The following MALRD1 variants were observed in gnomAD, a reference collection of about 807,000 sequenced individuals.
MALRD1 encodes MAM and LDL-receptor class A domain-containing protein 1.
A neutral mutation model predicts 242.1 loss-of-function variants in MALRD1; 247 were observed. The ratio of observed to expected loss-of-function variants is 1.02; its 90% CI spans 0.92 to 1.13. The LOEUF is 1.13. Ranked by LOEUF, MALRD1 falls within the 50% of genes most tolerant of loss-of-function variation. The pLI is 0.00. For synonymous variants in MALRD1, 995 were observed against 866.6 expected, an observed-to-expected ratio of 1.15 and a Z score of -2.60; for missense variants, 2,989 against 2,533.1, an observed-to-expected ratio of 1.18 and a Z score of -3.86.
chr10:19,662,910 A>G (rs1841510635), intron 36 of MALRD1, among the ~76,000 whole-genome samples: 1 of 152,136 alleles, frequency 6.6e-6, no homozygotes, highest in African/African-American at 2.4e-5. Flanking sequence ...AGAAGAGTCC[A>G]TTTTTCATTA....
chr10:19,669,072 A>C (rs929037794), intron 36 of MALRD1, among the ~76,000 whole-genome samples: 1 of 152,220 alleles, frequency 6.6e-6, no homozygotes, highest in African/African-American at 2.4e-5. Context: ...TGTCCACATA[A>C]AAAGATTCAT....
intron 35 of MALRD1, among the ~76,000 whole-genome samples, chr10:19,611,453 G>C: frequency 6.6e-6 from 1 of 151,902 alleles, no homozygotes; most frequent in African/African-American, 2.4e-5. Flanking sequence ...TATCAGAATG[G>C]GATTCAATGT....
intron 21 of MALRD1, among the ~76,000 whole-genome samples, chr10:19,306,223 C>CTATACTATATATACTATACTATAGTATAG (rs1842186966): frequency 1.0e-5 from 1 of 100,334 alleles, no homozygotes; most frequent in South Asian, 3.1e-4. Flanking sequence ...CACACACATA[C>CTATACTATATATACTATACTATAGTATAG]TATATATACT....
chr10:19,475,385 AG>A (rs1313725898), intron 29 of MALRD1, among the ~76,000 whole-genome samples: 2 of 152,212 alleles, frequency 1.3e-5, no homozygotes, highest in Non-Finnish European at 2.9e-5. Flanking sequence ...ACTGCATTCC[AG>A]CCTGGGCGAC....
At chr10:19,167,492 GATAA>G (rs1205583506) in intron 13 of MALRD1, among the ~76,000 whole-genome samples, 2 of 152,198 alleles carry the variant, frequency 1.3e-5, no homozygotes, top group Admixed American at 6.5e-5. Flanking sequence ...AACAAATTGA[GATAA>G]ATATAGAGGT....
intron 18 of MALRD1, among the ~76,000 whole-genome samples, chr10:19,237,043 T>A (rs1838351351): frequency 6.6e-6 from 1 of 152,060 alleles, no homozygotes; most frequent in Non-Finnish European, 1.5e-5. Flanking sequence ...TAGGATACAA[T>A]TTGATGTTTC....
intron 28 of MALRD1, among the ~76,000 whole-genome samples, chr10:19,400,471 A>G (rs1258286901): frequency 6.6e-6 from 1 of 152,178 alleles, no homozygotes; most frequent in Non-Finnish European, 1.5e-5. Context: ...TTCATGACGC[A>G]GACCTCATCT....
At chr10:19,252,974 G>A (rs1334880918) in intron 18 of MALRD1, among the ~76,000 whole-genome samples, 2 of 151,954 alleles carry the variant, frequency 1.3e-5, no homozygotes, top group East Asian at 1.9e-4. Context: ...GGAATTCTAA[G>A]CTGATTTTCT....
In MALRD1 at chr10:19,155,100, G is replaced by A. The variant is rs1386279190; in HGVS notation, c.1584G>A (p.Gln528=). 1.6e-5 allele frequency: 20 copies of A among 1,231,448 alleles called. No individual in the cohort carries two copies. In the East Asian group the frequency reaches 6.0e-4, roughly 37 times the overall value. The allele number at this position is 1,231,448 out of a possible 1,614,324, so 76.3% of individuals were successfully genotyped here. A position where few individuals can be genotyped will look rare whatever the true frequency, so the allele number is the denominator to read the frequency against. Residue 528 remains glutamine (Q), a synonymous_variant, in exon 12 of 40, where the codon CAG becomes CAA. Coordinates refer to ENST00000454679, the MANE Select transcript of MALRD1 (RefSeq NM_001142308.3). ...GATCGTTTATTTATTTGGAGGCACAGCGCTCCCCCGGGGTGGCCAAGCTTG... is the reference window on the plus strand; with the variant it reads ...GATCGTTTATTTATTTGGAGGCACAACGCTCCCCCGGGGTGGCCAAGCTTG... ...NHGSFIYLEA[Q]RSPGVAKLGS... is the part of the protein sequence containing the mutation.
intron 21 of MALRD1, among the ~76,000 whole-genome samples, chr10:19,316,176 G>A (rs1214890140): frequency 6.6e-6 from 1 of 150,676 alleles, no homozygotes; most frequent in African/African-American, 2.4e-5. Flanking sequence ...TTGCTCTGCA[G>A]GTAAATATAC....
chr10:19,067,624 C>T (rs1468182274), intron 2 of MALRD1, among the ~76,000 whole-genome samples: 1 of 152,072 alleles, frequency 6.6e-6, no homozygotes, highest in Non-Finnish European at 1.5e-5. Flanking sequence ...GCAGTGTTTT[C>T]ATAAATATTA....
At chr10:19,554,965 G>A (rs982957600) in intron 32 of MALRD1, among the ~76,000 whole-genome samples, 6 of 152,034 alleles carry the variant, frequency 3.9e-5, no homozygotes, top group Non-Finnish European at 8.8e-5. Flanking sequence ...TTGAGGAATC[G>A]CCATACTGTC....
At chr10:19,491,015 T>G (rs1271661044) in intron 29 of MALRD1, 1 of 196,370 alleles carries the variant, frequency 5.1e-6, no homozygotes, top group Non-Finnish European at 1.1e-5. Context: ...TCAGCAGAAA[T>G]AGACAGTTGC....
chr10:19,423,759 T>A (rs773895974), intron 28 of MALRD1, among the ~76,000 whole-genome samples: 1 of 152,098 alleles, frequency 6.6e-6, no homozygotes. Flanking sequence ...CGTGTAAAAT[T>A]GGCAGATTCA....
rs117483060 is a variant in MALRD1, at chr10:19,110,515, G to A, written c.694+6440G>A. ...CCTAGAAGTAAATAATTAAAGTGTCGTCCTCAATGCTGTTTCACTATTAGA... is the reference window on the plus strand; with the variant it reads ...CCTAGAAGTAAATAATTAAAGTGTCATCCTCAATGCTGTTTCACTATTAGA... On this transcript the variant is annotated intron_variant, in intron 5 of 39. Coordinates refer to ENST00000454679, the MANE Select transcript of MALRD1 (RefSeq NM_001142308.3). 5.6e-3 allele frequency among the ~76,000 whole-genome samples: 854 copies of A among 152,228 alleles called. 6 individuals are homozygous for A. Among genetic ancestry groups the A allele is most frequent in the Middle Eastern group, 0.01 (3 of 294 alleles).
chr10:19,498,564 A>G lies in MALRD1; in HGVS notation c.5238A>G (p.Gln1746=). The G allele has an allele frequency of 2.6e-6, 4 of 1,550,468 alleles. No individual in the cohort carries two copies. The highest frequency in any genetic ancestry group is 1.7e-6 in the Non-Finnish European group (2 of 1,146,904). The change falls in exon 31 of 40, where the codon CAA becomes CAG. Residue 1746 remains glutamine, a synonymous_variant. Coordinates refer to ENST00000454679, the MANE Select transcript of MALRD1 (RefSeq NM_001142308.3). ...GGACCACAGCCTGCAGTCTTACTCAAGACTCTGAGGATGACTTGGACTGGG... is the reference window on the plus strand; with the variant it reads ...GGACCACAGCCTGCAGTCTTACTCAGGACTCTGAGGATGACTTGGACTGGG... The part of the protein sequence containing the change: ...GNWTTACSLT[Q]DSEDDLDWAI...
chr10:19,611,065 A>G (rs924746232), intron 35 of MALRD1, among the ~76,000 whole-genome samples: 1 of 151,992 alleles, frequency 6.6e-6, no homozygotes, highest in Admixed American at 6.6e-5. Context: ...CAGTATAGAA[A>G]GATGATTGAG....
intron 29 of MALRD1, among the ~76,000 whole-genome samples, chr10:19,482,737 G>A (rs1473318478): frequency 1.3e-5 from 2 of 150,364 alleles, no homozygotes; most frequent in Admixed American, 6.6e-5. Context: ...AACCAAGGAG[G>A]TGAAAGATAT....
chr10:19,164,698 C>T (rs2131501883), intron 12 of MALRD1, among the ~76,000 whole-genome samples: 1 of 152,216 alleles, frequency 6.6e-6, no homozygotes, highest in East Asian at 1.9e-4. Context: ...GCTCCAGGTA[C>T]TTAGAAAGTG....
Sources: gnomAD v4.1 joint callset for allele counts (sites outside exome capture counted in the v4.1 genomes callset) on GRCh38, gnomAD v4.1.1 for gene constraint, MANE v1.5 for transcripts, NCBI Gene and HGNC (gene_info 2026-07-23, HGNC 2026-07-21) for gene names.